The following ASCC3 variants were observed in gnomAD, a reference collection of about 807,000 sequenced individuals.
ASCC3 encodes activating signal cointegrator 1 complex subunit 3.
In ASCC3, 158 loss-of-function variants were observed where a neutral mutation model predicts 256.3. The ratio of observed to expected loss-of-function variants is 0.62; its 90% CI spans 0.54 to 0.70. The LOEUF (loss-of-function observed/expected upper bound fraction) is 0.70. Ranked by LOEUF, ASCC3 falls within the 30% of genes least tolerant of loss-of-function variation. The pLI, the probability that ASCC3 is intolerant of heterozygous loss-of-function variation, is 0.00. For synonymous variants in ASCC3, 948 were observed against 883.4 expected, an observed-to-expected ratio of 1.07 and a Z score of -1.30; for missense variants, 2,259 against 2,626.0, an observed-to-expected ratio of 0.86 and a Z score of 3.05.
At chr6:100,769,633 A>G (rs898178347) in intron 8 of ASCC3, among the ~76,000 whole-genome samples, 2 of 151,884 alleles carry the variant, frequency 1.3e-5, no homozygotes, top group African/African-American at 2.4e-5. Flanking sequence ...AATTATAAAG[A>G]TCAATGAAAC....
intron 1 of ASCC3, among the ~76,000 whole-genome samples, chr6:100,869,453 AT>A (rs1358520375): frequency 6.6e-6 from 1 of 152,204 alleles, no homozygotes; most frequent in Non-Finnish European, 1.5e-5. Context: ...TATAATAGAA[AT>A]TTTTTAATAA....
At chr6:100,530,219 T>C (rs958593083) in intron 37 of ASCC3, 1 of 755,986 alleles carries the variant, frequency 1.3e-6, no homozygotes, top group Non-Finnish European at 2.4e-6. Context: ...TTTAAGAATA[T>C]TGCTGCTCAT....
At chr6:100,603,556 C>A (rs1772734551) in intron 33 of ASCC3, among the ~76,000 whole-genome samples, 1 of 152,068 alleles carries the variant, frequency 6.6e-6, no homozygotes, top group Non-Finnish European at 1.5e-5. Context: ...TCAATATCTT[C>A]TTATAAATTA....
At chr6:100,705,931 C>T (rs76123629) in intron 13 of ASCC3, among the ~76,000 whole-genome samples, 2,330 of 151,896 alleles carry the variant, frequency 0.015, 22 homozygotes, top group East Asian at 0.044. Context: ...TTGTTATTAA[C>T]CATGACCACT....
chr6:100,523,189 A>C (rs1413035807), intron 37 of ASCC3, among the ~76,000 whole-genome samples: 1 of 151,728 alleles, frequency 6.6e-6, no homozygotes, highest in African/African-American at 2.4e-5. Flanking sequence ...ATTAGCTGTA[A>C]TATCTTGGGC....
intron 4 of ASCC3, among the ~76,000 whole-genome samples, chr6:100,831,710 T>C (rs1360243331): frequency 1.3e-5 from 2 of 152,068 alleles, no homozygotes; most frequent in Non-Finnish European, 1.5e-5. Context: ...AGTCTAAAAA[T>C]TAAAATTCTG....
chr6:100,694,638 A>G (rs74648380), intron 13 of ASCC3, among the ~76,000 whole-genome samples: 2 of 152,332 alleles, frequency 1.3e-5, no homozygotes, highest in East Asian at 3.9e-4. Context: ...CCTATTGTGC[A>G]AAATGGTAAA....
intron 32 of ASCC3, among the ~76,000 whole-genome samples, chr6:100,605,956 A>T (rs1183793078): frequency 6.6e-6 from 1 of 152,094 alleles, no homozygotes; most frequent in Admixed American, 6.6e-5. Context: ...ACATTTATAG[A>T]TGTAAGAAAG....
chr6:100,728,498 T>C (rs897019919), intron 10 of ASCC3, among the ~76,000 whole-genome samples: 17 of 152,118 alleles, frequency 1.1e-4, no homozygotes, highest in African/African-American at 4.1e-4. Context: ...TAATATACTA[T>C]ATACCCAACA....
chr6:100,650,532 A>T lies in ASCC3; in HGVS notation c.3252+6T>A, dbSNP rs78559517. On this transcript the variant is annotated splice_donor_region_variant and intron_variant, in intron 20 of 41. Coordinates refer to ENST00000369162, the MANE Select transcript of ASCC3 (RefSeq NM_006828.4). ...AGAGAAAACTGGAAGGGAATAAGAT[A>T]CTTACCTGTGCAACATATGCAGAAT... 0.021 allele frequency: 34,482 copies of T among 1,611,946 alleles called. 455 individuals carry two copies. The highest frequency in any genetic ancestry group is 0.055 in the African/African-American group (4,100 of 74,944).
At chr6:100,687,312 G>C (rs1029005298) in intron 13 of ASCC3, among the ~76,000 whole-genome samples, 5 of 151,962 alleles carry the variant, frequency 3.3e-5, no homozygotes, top group Non-Finnish European at 2.9e-5. Flanking sequence ...TTTTTTCTTT[G>C]TATGTCTTGT....
intron 12 of ASCC3, among the ~76,000 whole-genome samples, chr6:100,716,394 C>A (rs987079002): frequency 6.6e-6 from 1 of 151,758 alleles, no homozygotes; most frequent in Non-Finnish European, 1.5e-5. Context: ...AGGCATGTGA[C>A]CCAGCCTATT....
chr6:100,619,953 A>G (rs1352635336), intron 30 of ASCC3, among the ~76,000 whole-genome samples: 1 of 152,072 alleles, frequency 6.6e-6, no homozygotes, highest in Non-Finnish European at 1.5e-5. Context: ...GAGAGGGATG[A>G]GTGGATTTGG....
intron 4 of ASCC3, among the ~76,000 whole-genome samples, chr6:100,827,373 TTTCA>T (rs1263864814): frequency 6.6e-6 from 1 of 152,214 alleles, no homozygotes; most frequent in African/African-American, 2.4e-5. Context: ...CCATTTATTT[TTTCA>T]TTGTCTCCAT....
chr6:100,601,339 T>G (rs1772599587), intron 34 of ASCC3, among the ~76,000 whole-genome samples: 1 of 152,156 alleles, frequency 6.6e-6, no homozygotes, highest in Non-Finnish European at 1.5e-5. Context: ...AAACAGTAAG[T>G]GCTGAACGAA....
rs190112082 is a variant in ASCC3, at chr6:100,534,183, C to A, written c.5775+5980G>T. 2.1e-3 allele frequency among the ~76,000 whole-genome samples: 326 copies of A among 152,264 alleles called. 2 individuals are homozygous for A. The highest frequency in any genetic ancestry group is 0.011 in the South Asian group (53 of 4,808). ...CCATTGAGCCCAGAAGTCAAGGGTG[C>A]AGTGAGCCAAGATGGTGTCACTGCA... On this transcript the variant is annotated intron_variant, in intron 37 of 41. Coordinates refer to ENST00000369162, the MANE Select transcript of ASCC3 (RefSeq NM_006828.4).
At chr6:100,642,860 A>G in intron 23 of ASCC3, 111 bp from the exon 24 acceptor site, 2 of 1,050,390 alleles carry the variant, frequency 1.9e-6, no homozygotes, top group Non-Finnish European at 2.8e-6. Flanking sequence ...AAGACAAAGT[A>G]TCTTGAATTT....
chr6:100,876,612 A>G (rs1774015384), intron 1 of ASCC3, among the ~76,000 whole-genome samples: 1 of 152,194 alleles, frequency 6.6e-6, no homozygotes, highest in South Asian at 2.1e-4. Flanking sequence ...ATTTCTGGTA[A>G]GATCACAGTG....
intron 36 of ASCC3, among the ~76,000 whole-genome samples, chr6:100,546,792 TCA>T (rs960344930): frequency 6.6e-6 from 1 of 152,124 alleles, no homozygotes; most frequent in Non-Finnish European, 1.5e-5. Context: ...TATTAAAAAT[TCA>T]CACACAAATA....
Sources: gnomAD v4.1 joint callset for allele counts (sites outside exome capture counted in the v4.1 genomes callset) on GRCh38, gnomAD v4.1.1 for gene constraint, MANE v1.5 for transcripts, NCBI Gene and HGNC (gene_info 2026-07-23, HGNC 2026-07-21) for gene names.